Variants in SESTD1 observed in about 807,000 individuals in gnomAD.
The protein encoded by SESTD1 is SEC14 and spectrin domain containing 1, also known as SEC14 domain and spectrin repeat-containing protein 1.
SESTD1 carries 43 observed loss-of-function variants against 101.7 expected under a neutral mutation model. The ratio of observed to expected loss-of-function variants is 0.42; its 90% CI spans 0.33 to 0.55. SESTD1 has a LOEUF of 0.55. Ranked by LOEUF, SESTD1 falls within the 20% of genes least tolerant of loss-of-function variation. The pLI, the probability that SESTD1 is intolerant of heterozygous loss-of-function variation, is 0.07. For synonymous variants in SESTD1, 283 were observed against 286.8 expected, an observed-to-expected ratio of 0.99 and a Z score of 0.13; for missense variants, 647 against 815.1, an observed-to-expected ratio of 0.79 and a Z score of 2.51.
At chr2:179,195,642 T>C (rs2046379272) in intron 1 of SESTD1, among the ~76,000 whole-genome samples, 1 of 152,200 alleles carries the variant, frequency 6.6e-6, no homozygotes, top group Non-Finnish European at 1.5e-5. Context: ...AGTATGTAAA[T>C]TACCTCCTCA....
In SESTD1 at chr2:179,123,752, T is replaced by C. The variant is rs376506131; in HGVS notation, c.1245A>G (p.Gln415=). 2.5e-6 allele frequency: 4 copies of C among 1,613,916 alleles called. No individual in the cohort carries two copies. The highest frequency in any genetic ancestry group is 3.4e-6 in the Non-Finnish European group (4 of 1,179,962). The change falls in exon 12 of 18, where the codon CAA becomes CAG. Residue 415 remains glutamine (Q), a synonymous_variant. Transcript: ENST00000428443. ...VAPADGASIQ[Q]TLKLLEEKLK... ...GCTTCTCTTCAAGCAGTTTTAAAGT[T>C]TGCTGAATCGATGCTCCATCAGCTG... is the stretch of plus-strand genomic sequence containing the variant.
At chr2:179,214,405 G>C (rs2046691205) in intron 1 of SESTD1, among the ~76,000 whole-genome samples, 1 of 134,376 alleles carries the variant, frequency 7.4e-6, no homozygotes, top group East Asian at 2.0e-4. Context: ...TAATGGTAAA[G>C]GAATGGTAAA....
intron 9 of SESTD1, among the ~76,000 whole-genome samples, chr2:179,140,485 G>C (rs1038028167): frequency 6.6e-6 from 1 of 152,072 alleles, no homozygotes; most frequent in African/African-American, 2.4e-5. Flanking sequence ...ATTCCCTCAC[G>C]GCCCTCAAAG....
chr2:179,261,139 C>G (rs1395125832), intron 1 of SESTD1, among the ~76,000 whole-genome samples: 1 of 152,054 alleles, frequency 6.6e-6, no homozygotes, highest in African/African-American at 2.4e-5. Flanking sequence ...CTCTGTTTCC[C>G]CATTGGAAAT....
At chr2:179,172,011 G>T in intron 5 of SESTD1, 109 bp downstream of exon 5, 1 of 568,434 alleles carries the variant, frequency 1.8e-6, no homozygotes, top group Non-Finnish European at 3.1e-6. Context: ...CACTAATTAA[G>T]CATTCCTTAA....
At chr2:179,142,350 G>T (rs1374507705) in intron 9 of SESTD1, among the ~76,000 whole-genome samples, 1 of 152,130 alleles carries the variant, frequency 6.6e-6, no homozygotes, top group Non-Finnish European at 1.5e-5. Context: ...TGAGAGCTGG[G>T]TTCTTTCCAA....
intron 1 of SESTD1, among the ~76,000 whole-genome samples, chr2:179,262,383 A>C (rs921561035): frequency 2.0e-5 from 3 of 152,162 alleles, no homozygotes; most frequent in Non-Finnish European, 4.4e-5. Flanking sequence ...CTATTATAAA[A>C]ATTTAAGTCT....
chr2:179,197,114 AGGAGCTGAT>A (rs1335296937), intron 1 of SESTD1, among the ~76,000 whole-genome samples: 2 of 152,198 alleles, frequency 1.3e-5, no homozygotes, highest in African/African-American at 4.8e-5. Context: ...AAGTACTTAA[AGGAGCTGAT>A]GGAGCTGAAA....
At chr2:179,175,263 T>A (rs2045991972) in intron 4 of SESTD1, among the ~76,000 whole-genome samples, 1 of 152,150 alleles carries the variant, frequency 6.6e-6, no homozygotes, top group African/African-American at 2.4e-5. Context: ...AAACTAGAAC[T>A]AAAACCTAAA....
intron 16 of SESTD1, among the ~76,000 whole-genome samples, chr2:179,113,699 T>C (rs2044563169): frequency 6.6e-6 from 1 of 152,200 alleles, no homozygotes; most frequent in South Asian, 2.1e-4. Flanking sequence ...TGGTTATTTA[T>C]ATTTATGCTT....
intron 1 of SESTD1, among the ~76,000 whole-genome samples, chr2:179,194,355 C>G (rs2046359826): frequency 6.6e-6 from 1 of 152,096 alleles, no homozygotes; most frequent in African/African-American, 2.4e-5. Context: ...GATCTAGGAA[C>G]CATCAGAGTC....
At chr2:179,139,979 T>C (rs1422891750) in intron 9 of SESTD1, among the ~76,000 whole-genome samples, 1 of 152,174 alleles carries the variant, frequency 6.6e-6, no homozygotes, top group Admixed American at 6.5e-5. Context: ...CCTATGGTAA[T>C]CCTAGCCATC....
intron 1 of SESTD1, among the ~76,000 whole-genome samples, chr2:179,200,573 G>C (rs1469437810): frequency 6.6e-6 from 1 of 152,080 alleles, no homozygotes; most frequent in Non-Finnish European, 1.5e-5. Flanking sequence ...CCAAAACAGA[G>C]ATATAGATCA....
chr2:179,151,239 T>C (rs1225743672), intron 6 of SESTD1, 39 bp downstream of exon 6: 1 of 1,277,458 alleles, frequency 7.8e-7, no homozygotes, highest in Admixed American at 2.5e-5. Flanking sequence ...ATATCTTATT[T>C]CTATGCAATA....
At chr2:179,177,845 A>G (rs569900277) in intron 3 of SESTD1, among the ~76,000 whole-genome samples, 2 of 152,324 alleles carry the variant, frequency 1.3e-5, no homozygotes, top group East Asian at 3.9e-4. Context: ...ATAACCAAAC[A>G]ATGAGACATT....
intron 17 of SESTD1, among the ~76,000 whole-genome samples, chr2:179,111,241 T>C (rs534162635): frequency 6.6e-6 from 1 of 152,334 alleles, no homozygotes; most frequent in East Asian, 1.9e-4. Context: ...CAAGTTTAGG[T>C]GGGGCTTGAG....
At chr2:179,155,934 T>C (rs2105455901) in intron 5 of SESTD1, among the ~76,000 whole-genome samples, 1 of 152,252 alleles carries the variant, frequency 6.6e-6, no homozygotes, top group African/African-American at 2.4e-5. Flanking sequence ...TTTATCATTC[T>C]TATGCCTTTG....
chr2:179,140,666 G>A (rs950436425), intron 9 of SESTD1, among the ~76,000 whole-genome samples: 6 of 152,046 alleles, frequency 3.9e-5, no homozygotes, highest in East Asian at 1.9e-4. Context: ...AGTTATCAAC[G>A]ACTTGTCTAT....
At chr2:179,206,427 T>C (rs1215441557) in intron 1 of SESTD1, among the ~76,000 whole-genome samples, 1 of 135,950 alleles carries the variant, frequency 7.4e-6, no homozygotes, top group Non-Finnish European at 1.6e-5. Context: ...TAATCTTACA[T>C]AGAGCTGAAA....
Sources: gnomAD v4.1 joint callset for allele counts (sites outside exome capture counted in the v4.1 genomes callset) on GRCh38, gnomAD v4.1.1 for gene constraint, MANE v1.5 for transcripts, NCBI Gene and HGNC (gene_info 2026-07-23, HGNC 2026-07-21) for gene names.